Variants in KIAA1217 observed in about 807,000 individuals in gnomAD.
The protein encoded by KIAA1217 is sickle tail protein homolog.
KIAA1217 carries 88 observed loss-of-function variants against 163.9 expected under a neutral mutation model. The observed-to-expected ratio is 0.54, with a 90% CI of 0.45 to 0.64. The LOEUF is 0.64. Ranked by LOEUF, KIAA1217 falls within the 30% of genes least tolerant of loss-of-function variation. The pLI, the probability that KIAA1217 is intolerant of heterozygous loss-of-function variation, is 0.00. For missense variants in KIAA1217, 2,372 were observed against 2,475.0 expected, an observed-to-expected ratio of 0.96 and a Z score of 0.88; for synonymous variants, 903 against 923.1, an observed-to-expected ratio of 0.98 and a Z score of 0.39.
At chr10:23,810,725 G>C (rs1476242281) in intron 1 of KIAA1217, among the ~76,000 whole-genome samples, 4 of 124,074 alleles carry the variant, frequency 3.2e-5, no homozygotes, top group African/African-American at 1.3e-4. Context: ...ACCATATACA[G>C]TATACTATAT....
chr10:23,955,635 G>C (rs1171633862), intron 1 of KIAA1217, among the ~76,000 whole-genome samples: 1 of 152,210 alleles, frequency 6.6e-6, no homozygotes, highest in African/African-American at 2.4e-5. Flanking sequence ...TGCGGGTGAT[G>C]ATGTGGGAGG....
At chr10:24,294,830 T>G (rs112601860) in intron 2 of KIAA1217, among the ~76,000 whole-genome samples, 5 of 152,152 alleles carry the variant, frequency 3.3e-5, no homozygotes, top group African/African-American at 9.7e-5. Context: ...GCAAGTGCAA[T>G]TCGGTCACTG....
At chr10:24,533,922 T>A (rs955060450) in intron 16 of KIAA1217, among the ~76,000 whole-genome samples, 3 of 152,210 alleles carry the variant, frequency 2.0e-5, no homozygotes, top group African/African-American at 7.2e-5. Flanking sequence ...CTACCCCAGG[T>A]CTATGTCCTG....
intron 1 of KIAA1217, among the ~76,000 whole-genome samples, chr10:23,869,411 AG>A (rs1250951094): frequency 6.6e-6 from 1 of 152,032 alleles, no homozygotes; most frequent in Non-Finnish European, 1.5e-5. Flanking sequence ...AGTGGGTGGC[AG>A]TGCTGCTGCT....
intron 2 of KIAA1217, among the ~76,000 whole-genome samples, chr10:24,169,648 G>A (rs1181885499): frequency 6.6e-6 from 1 of 152,062 alleles, no homozygotes; most frequent in East Asian, 1.9e-4. Context: ...AAATTCTGCA[G>A]AGTATTTAAC....
chr10:24,376,307 G>A (rs983392928), intron 2 of KIAA1217, among the ~76,000 whole-genome samples: 8 of 152,176 alleles, frequency 5.3e-5, no homozygotes, highest in African/African-American at 1.7e-4. Flanking sequence ...TATATGATGT[G>A]TACTTAGAGT....
intron 6 of KIAA1217, among the ~76,000 whole-genome samples, chr10:24,475,298 A>C (rs1044857677): frequency 1.3e-5 from 2 of 152,244 alleles, no homozygotes; most frequent in African/African-American, 2.4e-5. Context: ...TCACTAAAAA[A>C]TGTTAATATC....
chr10:23,762,941 G>A (rs1478922192), intron 1 of KIAA1217, among the ~76,000 whole-genome samples: 1 of 152,122 alleles, frequency 6.6e-6, no homozygotes, highest in South Asian at 2.1e-4. Flanking sequence ...AAATCAATGT[G>A]CAAACATCAC....
At chr10:24,231,082 C>T (rs200062947) in intron 2 of KIAA1217, among the ~76,000 whole-genome samples, 4 of 152,300 alleles carry the variant, frequency 2.6e-5, no homozygotes, top group South Asian at 2.1e-4. Context: ...TGAGATTTAA[C>T]GCTCATCCTG....
In KIAA1217 at chr10:24,234,656, CAAAAAA is replaced by C. The variant is rs71397938; in HGVS notation, c.354+14765_354+14770del. ...CCTGGGTGACAGAGCAAAACTGTCT[CAAAAAA>C]AAAAAAAAAAAAAAAAAGAAACTAC... On this transcript the variant is annotated intron_variant, in intron 2 of 20. Coordinates refer to ENST00000376454, the MANE Select transcript of KIAA1217 (RefSeq NM_019590.5). Among the ~76,000 whole-genome samples, 96 of 73,384 alleles carry C rather than the reference CAAAAAA, an allele frequency of 1.3e-3. 1 individual carries two copies. In the South Asian group the frequency reaches 0.046, roughly 35 times the overall value. The allele number at this position is 73,384 out of a possible 152,430, so 48.1% of individuals were successfully genotyped here.
At chr10:23,721,350 C>G (rs961515760) in intron 1 of KIAA1217, among the ~76,000 whole-genome samples, 1 of 152,202 alleles carries the variant, frequency 6.6e-6, no homozygotes, top group Non-Finnish European at 1.5e-5. Flanking sequence ...TGTATTGGAG[C>G]TGTCAGCTTT....
chr10:23,759,808 C>T (rs1459185786), intron 1 of KIAA1217, among the ~76,000 whole-genome samples: 1 of 152,140 alleles, frequency 6.6e-6, no homozygotes, highest in East Asian at 1.9e-4. Flanking sequence ...CTCCAGTCCC[C>T]ATGTGTGGAA....
chr10:24,515,756 T>C (rs1199516209), intron 10 of KIAA1217, among the ~76,000 whole-genome samples: 2 of 152,214 alleles, frequency 1.3e-5, no homozygotes, highest in Admixed American at 6.5e-5. Flanking sequence ...ACAAACAGTA[T>C]CTTGCACATA....
chr10:23,824,916 C>G (rs1837828604), intron 1 of KIAA1217, among the ~76,000 whole-genome samples: 1 of 151,948 alleles, frequency 6.6e-6, no homozygotes, highest in Non-Finnish European at 1.5e-5. Context: ...CTGATTTGGA[C>G]AAGGTATTAC....
chr10:24,426,117 C>T (rs1224911231), intron 3 of KIAA1217, among the ~76,000 whole-genome samples: 2 of 152,214 alleles, frequency 1.3e-5, no homozygotes, highest in African/African-American at 2.4e-5. Context: ...GAATTGTCAC[C>T]GTCAGCTGCC....
At chr10:23,891,343 C>T (rs944107854) in intron 1 of KIAA1217, among the ~76,000 whole-genome samples, 2 of 151,916 alleles carry the variant, frequency 1.3e-5, no homozygotes, top group African/African-American at 4.8e-5. Context: ...GACAGGATCT[C>T]ACCTGGTTGC....
intron 2 of KIAA1217, among the ~76,000 whole-genome samples, chr10:24,287,834 A>G (rs555558645): frequency 3.3e-5 from 5 of 152,348 alleles, no homozygotes; most frequent in East Asian, 3.9e-4. Context: ...AAATAAAACC[A>G]TAACTCGATT....
At chr10:24,494,672 C>A (rs2133788302) in intron 7 of KIAA1217, 68 bp downstream of exon 7, 1 of 1,060,734 alleles carries the variant, frequency 9.4e-7, no homozygotes, top group Non-Finnish European at 1.4e-6. Flanking sequence ...TAAGATAATT[C>A]ATTCATTCAA....
intron 1 of KIAA1217, among the ~76,000 whole-genome samples, chr10:23,705,596 G>A (rs1430188198): frequency 6.6e-6 from 1 of 152,098 alleles, no homozygotes; most frequent in Non-Finnish European, 1.5e-5. Flanking sequence ...TTATTGATCT[G>A]TATGTTCATT....
Sources: gnomAD v4.1 joint callset for allele counts (sites outside exome capture counted in the v4.1 genomes callset) on GRCh38, gnomAD v4.1.1 for gene constraint, MANE v1.5 for transcripts, NCBI Gene and HGNC (gene_info 2026-07-23, HGNC 2026-07-21) for gene names.